Variants in DNM3 observed in about 807,000 individuals in gnomAD.
DNM3 encodes dynamin 3.
DNM3 carries 47 observed loss-of-function variants against 101.6 expected under a neutral mutation model. The ratio of observed to expected loss-of-function variants is 0.46; its 90% CI spans 0.37 to 0.59. The LOEUF (loss-of-function observed/expected upper bound fraction) is 0.59. Ranked by LOEUF, DNM3 falls within the 20% of genes least tolerant of loss-of-function variation. The pLI is 0.00. For synonymous variants in DNM3, 385 were observed against 387.9 expected (o/e 0.99, Z 0.09); for missense variants, 849 against 1,085.7 (o/e 0.78, Z 3.06).
At chr1:171,958,038 A>G (rs759979556) in intron 2 of DNM3, among the ~76,000 whole-genome samples, 1 of 152,186 alleles carries the variant, frequency 6.6e-6, no homozygotes, top group Non-Finnish European at 1.5e-5. Flanking sequence ...GTAATTGACA[A>G]AAGAAAGAGG....
chr1:172,189,759 G>A (rs2059640699), intron 14 of DNM3, among the ~76,000 whole-genome samples: 1 of 152,088 alleles, frequency 6.6e-6, no homozygotes, highest in East Asian at 1.9e-4. Flanking sequence ...CTTCTGGTGA[G>A]GGTCTCAGGA....
At chr1:172,125,875 T>C (rs1049114066) in intron 13 of DNM3, among the ~76,000 whole-genome samples, 5 of 152,204 alleles carry the variant, frequency 3.3e-5, no homozygotes, top group Non-Finnish European at 7.3e-5. Context: ...TCTCTTTCTC[T>C]GTGAAGGGCT....
chr1:172,272,893 T>G (rs973547192), intron 15 of DNM3, among the ~76,000 whole-genome samples: 22 of 152,108 alleles, frequency 1.4e-4, no homozygotes, highest in African/African-American at 5.3e-4. Context: ...TGCAGCACAA[T>G]GATTTATCCT....
intron 15 of DNM3, among the ~76,000 whole-genome samples, chr1:172,303,809 C>T (rs2064605076): frequency 2.6e-5 from 4 of 152,086 alleles, no homozygotes; most frequent in Admixed American, 1.3e-4. Flanking sequence ...AAATAAAATC[C>T]TTTACAGACA....
chr1:172,041,934 A>C, intron 7 of DNM3, 75 bp from the exon 8 acceptor site: 1 of 1,474,244 alleles, frequency 6.8e-7, no homozygotes, highest in Non-Finnish European at 9.0e-7. Flanking sequence ...CTAAGGAATA[A>C]TCATAGGAAA....
chr1:171,891,202 G>A (rs556423781), intron 1 of DNM3, among the ~76,000 whole-genome samples: 1 of 152,188 alleles, frequency 6.6e-6, no homozygotes, highest in Non-Finnish European at 1.5e-5. Flanking sequence ...TGCAAATTAC[G>A]GCATTAGAGA....
At chr1:172,061,495 A>G (rs1203787203) in intron 10 of DNM3, among the ~76,000 whole-genome samples, 3 of 151,478 alleles carry the variant, frequency 2.0e-5, no homozygotes, top group Non-Finnish European at 4.4e-5. Flanking sequence ...TGGCATATAT[A>G]CACCATGGAA....
chr1:171,956,336 A>G (rs533965700), intron 2 of DNM3, among the ~76,000 whole-genome samples: 1 of 152,306 alleles, frequency 6.6e-6, no homozygotes, highest in South Asian at 2.1e-4. Flanking sequence ...TCCAAATGGG[A>G]GAAATTGACC....
intron 14 of DNM3, among the ~76,000 whole-genome samples, chr1:172,207,134 G>T (rs1213520878): frequency 6.6e-6 from 1 of 151,998 alleles, no homozygotes; most frequent in African/African-American, 2.4e-5. Flanking sequence ...AATAATTACT[G>T]CCTGAGGCAA....
Position 172,410,532 on chromosome 1 carries a change from C to A in DNM3, c.*2691C>A, listed in dbSNP as rs778094295. ...ATTGTCACATGCTAAATATTGCATGCATATTGACTAATTGGAATAACCATT... is the reference window on the plus strand; with the variant it reads ...ATTGTCACATGCTAAATATTGCATGAATATTGACTAATTGGAATAACCATT... On this transcript the variant is annotated 3_prime_UTR_variant, in exon 21 of 21. Coordinates refer to ENST00000627582, the MANE Select transcript of DNM3 (RefSeq NM_015569.5). 2 of 980,970 alleles carry A rather than the reference C, an allele frequency of 2.0e-6. No individual in the cohort carries two copies. The highest frequency in any genetic ancestry group is 2.4e-6 in the Non-Finnish European group (2 of 825,998). 60.8% of individuals were successfully genotyped at this position (980,970 alleles called of 1,614,324 possible).
intron 4 of DNM3, among the ~76,000 whole-genome samples, chr1:172,005,905 C>T (rs113738770): frequency 0.03 from 4,495 of 152,144 alleles, 220 homozygotes; most frequent in African/African-American, 0.1. Context: ...TCTGATGGTA[C>T]TAACTGTTTA....
At chr1:172,324,287 C>T (rs570261827) in intron 17 of DNM3, among the ~76,000 whole-genome samples, 7 of 152,150 alleles carry the variant, frequency 4.6e-5, no homozygotes, top group East Asian at 1.9e-4. Context: ...AAGAGTTGGC[C>T]GGCATATTCA....
chr1:172,369,617 A>G (rs2068215458), intron 17 of DNM3, among the ~76,000 whole-genome samples: 1 of 151,966 alleles, frequency 6.6e-6, no homozygotes, highest in Non-Finnish European at 1.5e-5. Flanking sequence ...AGTTCTAGCC[A>G]GTACTATTTG....
intron 12 of DNM3, among the ~76,000 whole-genome samples, chr1:172,088,494 T>G (rs2053686246): frequency 6.6e-6 from 1 of 152,080 alleles, no homozygotes; most frequent in Non-Finnish European, 1.5e-5. Flanking sequence ...GCCTTCAGAG[T>G]AACAGCCAAA....
chr1:172,017,297 A>C (rs768747969), intron 4 of DNM3, among the ~76,000 whole-genome samples: 24 of 152,052 alleles, frequency 1.6e-4, no homozygotes, highest in Non-Finnish European at 3.4e-4. Context: ...AGCTTAGATT[A>C]TTAATTTTAG....
chr1:172,286,454 T>C (rs1418008373), intron 15 of DNM3, among the ~76,000 whole-genome samples: 1 of 152,244 alleles, frequency 6.6e-6, no homozygotes, highest in Non-Finnish European at 1.5e-5. Flanking sequence ...CATTGTAATA[T>C]TGGCTAATTT....
intron 15 of DNM3, among the ~76,000 whole-genome samples, chr1:172,291,586 TTAAGTA>T (rs946527174): frequency 5.3e-5 from 8 of 152,194 alleles, no homozygotes; most frequent in Non-Finnish European, 8.8e-5. Flanking sequence ...AGATTCTCCA[TTAAGTA>T]TGAGTGAAGG....
chr1:172,403,540 G>A (rs1188675466), intron 20 of DNM3, among the ~76,000 whole-genome samples: 1 of 152,044 alleles, frequency 6.6e-6, no homozygotes, highest in Non-Finnish European at 1.5e-5. Flanking sequence ...TCTCTTATCG[G>A]TAAAGCCAGT....
intron 1 of DNM3, among the ~76,000 whole-genome samples, chr1:171,867,867 G>T (rs1388961590): frequency 1.3e-5 from 2 of 152,002 alleles, no homozygotes; most frequent in Non-Finnish European, 2.9e-5. Flanking sequence ...ACACACTTAA[G>T]ATGTAGCATT....
Sources: gnomAD v4.1 joint callset for allele counts (sites outside exome capture counted in the v4.1 genomes callset) on GRCh38, gnomAD v4.1.1 for gene constraint, MANE v1.5 for transcripts, NCBI Gene and HGNC (gene_info 2026-07-23, HGNC 2026-07-21) for gene names.